UNC80: variants seen among roughly 807,000 people sequenced by gnomAD.
The protein encoded by UNC80 is unc-80 subunit of NALCN channel complex, also known as protein unc-80 homolog.
In UNC80, 164 loss-of-function variants were observed where a neutral mutation model predicts 384.6. The observed-to-expected ratio is 0.43, with a 90% confidence interval of 0.38 to 0.49. The LOEUF (loss-of-function observed/expected upper bound fraction) is 0.49. Among genes scored for constraint, UNC80 ranks in the 20% least tolerant of loss-of-function variants. UNC80 has a pLI of 0.00. For missense variants in UNC80, 3,330 were observed against 4,143.0 expected, an observed-to-expected ratio of 0.80 and a Z score of 5.39; for synonymous variants, 1,486 against 1,527.8, an observed-to-expected ratio of 0.97 and a Z score of 0.64.
At chr2:209,961,839 T>C (rs1015190603) in intron 51 of UNC80, among the ~76,000 whole-genome samples, 1 of 152,158 alleles carries the variant, frequency 6.6e-6, no homozygotes, top group Non-Finnish European at 1.5e-5. Context: ...CAGATCATAA[T>C]CAAAAAGCAT....
At chr2:209,905,005 A>T in intron 29 of UNC80, 40 bp downstream of exon 29, 2 of 1,539,182 alleles carry the variant, frequency 1.3e-6, no homozygotes, top group Non-Finnish European at 1.8e-6. Context: ...AATACTAGAA[A>T]CATGATGTCA....
At chr2:209,780,789 C>G (rs1295404542) in intron 4 of UNC80, among the ~76,000 whole-genome samples, 1 of 152,194 alleles carries the variant, frequency 6.6e-6, no homozygotes, top group Admixed American at 6.5e-5. Context: ...AGCCTATGGT[C>G]TTTCCCTACC....
chr2:209,809,655 A>T, intron 7 of UNC80: 1 of 601,338 alleles, frequency 1.7e-6, no homozygotes, highest in Non-Finnish European at 3.0e-6. Flanking sequence ...AAGCTCCAGA[A>T]GGAAGGAGTA....
chr2:209,826,373 C>G (rs966270008), intron 14 of UNC80, among the ~76,000 whole-genome samples: 2 of 152,158 alleles, frequency 1.3e-5, no homozygotes, highest in East Asian at 1.9e-4. Flanking sequence ...ATTTAGCAAG[C>G]TTTTGATGGC....
Position 209,819,079 on chromosome 2 carries a change from G to A in UNC80, c.1780G>A (p.Glu594Lys). The stretch of plus-strand genomic sequence containing the variant: ...CGTAGGCTATGCAGACTTTTTCAAT[G>A]AGCATATGAGGAAACTCTGCAACCA... The part of the protein sequence containing the change: ...FNVGYADFFN[E>K]HMRKLCNQVP... Residue 594 changes from glutamate to lysine, a missense_variant, in exon 12 of 65, where the codon GAG becomes AAG. Glu to Lys is a moderately conservative substitution (Grantham distance 56). Transcript: ENST00000673920. 6.4e-7 allele frequency: 1 copy of A among 1,552,006 alleles called. No individual in the cohort carries two copies. Among genetic ancestry groups the A allele is most frequent in the South Asian group, 1.2e-5 (1 of 84,050 alleles).
At chr2:209,866,541 G>T (rs865853497) in intron 22 of UNC80, among the ~76,000 whole-genome samples, 2 of 129,452 alleles carry the variant, frequency 1.5e-5, no homozygotes, top group Non-Finnish European at 1.6e-5. Context: ...CACAGAGAGA[G>T]AGAGAGAGAG....
At chr2:209,903,918 G>T (rs2087856401) in intron 28 of UNC80, among the ~76,000 whole-genome samples, 1 of 151,704 alleles carries the variant, frequency 6.6e-6, no homozygotes, top group African/African-American at 2.4e-5. Context: ...TCCCTCACCG[G>T]TTAGTTGTTA....
chr2:209,858,429 C>T lies in UNC80; in HGVS notation c.3627+8806C>T, dbSNP rs561877994. Among the ~76,000 whole-genome samples the T allele has an allele frequency of 7.2e-5, 11 of 152,102 alleles. No homozygotes were observed. The East Asian group carries it at 1.4e-3, about 19-fold the overall frequency. ...TCTTATTAAAAGCATGTATTTGGGCCGAGCATGGTGGCTCACACCTGTAAT... is the reference window on the plus strand; with the variant it reads ...TCTTATTAAAAGCATGTATTTGGGCTGAGCATGGTGGCTCACACCTGTAAT... On this transcript the variant is annotated intron_variant, in intron 22 of 64. Transcript: ENST00000673920.
In UNC80 at chr2:209,913,901, C is replaced by T. The variant is rs1351137077; in HGVS notation, c.4990C>T (p.Leu1664Phe). Reference sequence around the variant, plus strand: ...AGACATCCAGCCAGCTGCCTGGGAGCTCCTGCTCAGCATGGATGAGCACAT... The same window carrying T: ...AGACATCCAGCCAGCTGCCTGGGAGTTCCTGCTCAGCATGGATGAGCACAT... Reference protein sequence around the residue: ...YGDIQPAAWELLLSMDEHMAG... With the variant: ...YGDIQPAAWEFLLSMDEHMAG... Residue 1664 changes from leucine to phenylalanine, a missense_variant, in exon 31 of 65, where the codon CTC becomes TTC. Around this residue, in one of 8 missense-constraint regions of UNC80, gnomAD observed 801 missense variants for 950.8 expected, o/e 0.84. Transcript: ENST00000673920. The T allele has an allele frequency of 6.4e-7, 1 of 1,551,098 alleles. No individual in the cohort carries two copies.
chr2:209,959,428 TCTC>T lies in UNC80; in HGVS notation c.7587-60_7587-58del. On this transcript the variant is annotated intron_variant, in intron 50 of 64. Coordinates refer to ENST00000673920, the MANE Select transcript of UNC80 (RefSeq NM_001371986.1). ...ATTTTTCTTCAGTGTGATACCCTCT[TCTC>T]ACAGCTGCTACATGAATACATTTTC... The T allele has an allele frequency of 2.0e-6, 3 of 1,484,778 alleles. No individual in the cohort carries two copies. In the South Asian group the frequency reaches 3.7e-5, roughly 18 times the overall value. 92.0% of individuals were successfully genotyped at this position (1,484,778 alleles called of 1,614,324 possible). A position where few individuals can be genotyped will look rare whatever the true frequency, so the allele number is the denominator to read the frequency against.
chr2:209,937,738 CTGGAGACAGTAGT>C, intron 42 of UNC80, 108 bp downstream of exon 42: 1 of 805,272 alleles, frequency 1.2e-6, no homozygotes, highest in Non-Finnish European at 2.1e-6. Context: ...TTGACCCTCT[CTGGAGACAGTAGT>C]TGGCCCTCAC....
chr2:209,840,345 G>T (rs1051848377), intron 19 of UNC80, among the ~76,000 whole-genome samples, 197 bp from the exon 20 acceptor site: 9 of 152,100 alleles, frequency 5.9e-5, no homozygotes, highest in Non-Finnish European at 1.3e-4. Flanking sequence ...TTTTCGTCTT[G>T]GTCCCACATG....
chr2:209,889,117 G>A (rs2086099750), intron 26 of UNC80, among the ~76,000 whole-genome samples: 1 of 152,090 alleles, frequency 6.6e-6, no homozygotes, highest in African/African-American at 2.4e-5. Flanking sequence ...CCTAACCATG[G>A]AATAGACCAG....
intron 59 of UNC80, among the ~76,000 whole-genome samples, chr2:209,979,240 C>T (rs991842000): frequency 3.9e-5 from 6 of 152,176 alleles, no homozygotes; most frequent in African/African-American, 1.2e-4. Flanking sequence ...CAGAGCGAGC[C>T]TCTGTCTCAA....
At chr2:209,966,451 A>G (rs1321577789) in intron 51 of UNC80, among the ~76,000 whole-genome samples, 1 of 152,256 alleles carries the variant, frequency 6.6e-6, no homozygotes, top group Non-Finnish European at 1.5e-5. Flanking sequence ...CCACTGTAAA[A>G]TGTTTAAATA....
At chr2:209,779,833 G>A (rs1254521658) in intron 4 of UNC80, among the ~76,000 whole-genome samples, 1 of 152,216 alleles carries the variant, frequency 6.6e-6, no homozygotes, top group African/African-American at 2.4e-5. Flanking sequence ...CTGGAAAAAT[G>A]TGGGAATATA....
At position 209,839,318 on chromosome 2, in the gene UNC80, T is replaced by G. The variant is rs1418971955; in HGVS notation, c.3138T>G (p.Ser1046=). 6.4e-7 allele frequency: 1 copy of G among 1,551,796 alleles called. No homozygotes were observed. The highest frequency in any genetic ancestry group is 1.4e-5 in the African/African-American group (1 of 73,142). The stretch of plus-strand genomic sequence containing the variant: ...CAGCAAGTGACACCAGCAGCCAGTC[T>G]GAACAGGACACTTCAGAATGCACGA... ...QSAASDTSSQ[S]EQDTSECTTA... is the part of the protein sequence containing the mutation. Residue 1046 remains serine (S), a synonymous_variant, in exon 19 of 65, where the codon TCT becomes TCG. Coordinates refer to ENST00000673920, the MANE Select transcript of UNC80 (RefSeq NM_001371986.1). This position sits in a 1 kb window ranked among gnomAD's most constrained non-coding sequence, Gnocchi z 4.1.
chr2:209,808,138 T>TA (rs1179307195), intron 7 of UNC80, among the ~76,000 whole-genome samples: 1 of 152,212 alleles, frequency 6.6e-6, no homozygotes, highest in Non-Finnish European at 1.5e-5. Flanking sequence ...GACTCAACTG[T>TA]ACAGTTGGTA....
chr2:209,835,070 T>A (rs1295441214), intron 18 of UNC80, 60 bp downstream of exon 18: 1 of 1,331,554 alleles, frequency 7.5e-7, no homozygotes, highest in East Asian at 2.6e-5. Flanking sequence ...CTGGAAGAAT[T>A]TCTATTTTCC....
Sources: gnomAD v4.1 joint callset for allele counts (sites outside exome capture counted in the v4.1 genomes callset) on GRCh38, gnomAD v4.1.1 for gene constraint, gnomAD v4.1.1 regional missense constraint, Gnocchi (gnomAD v3.1) non-coding constraint, MANE v1.5 for transcripts, NCBI Gene and HGNC (gene_info 2026-07-23, HGNC 2026-07-21) for gene names.